The following PEAK1 variants were observed in gnomAD, a reference collection of about 807,000 sequenced individuals.
PEAK1 encodes the protein inactive tyrosine-protein kinase PEAK1.
Under a neutral mutation model 124.7 loss-of-function variants are expected in PEAK1, and 54 were observed. The observed-to-expected ratio is 0.43, with a 90% CI of 0.35 to 0.54. PEAK1 has a LOEUF of 0.54. Ranked by LOEUF, PEAK1 falls within the 20% of genes least tolerant of loss-of-function variation. PEAK1 has a pLI of 0.01. For synonymous variants in PEAK1, 719 were observed against 760.0 expected (o/e 0.95, Z 0.89); for missense variants, 2,046 against 2,134.5 (o/e 0.96, Z 0.82).
intron 6 of PEAK1, among the ~76,000 whole-genome samples, chr15:77,238,344 G>A (rs1437507985): frequency 1.3e-5 from 2 of 151,786 alleles, no homozygotes; most frequent in Non-Finnish European, 2.9e-5. Flanking sequence ...CTCTCAACTC[G>A]CCTTTTTTTT....
intron 8 of PEAK1, chr15:77,156,635 T>C (rs11854182): frequency 0.22 from 33,973 of 152,170 alleles, 4,230 homozygotes; most frequent in Middle Eastern, 0.31. Flanking sequence ...TATTCGGCCA[T>C]CTTGGCTCCC....
intron 2 of PEAK1, among the ~76,000 whole-genome samples, chr15:77,288,261 C>G (rs1016616615): frequency 6.6e-6 from 1 of 152,150 alleles, no homozygotes; most frequent in African/African-American, 2.4e-5. Flanking sequence ...TCCTATCTCC[C>G]ACTTTATTGC....
At chr15:77,176,765 AAAGGAGAGAGTCTCTTTCCACAG>A (rs1300422601) in intron 7 of PEAK1, among the ~76,000 whole-genome samples, 1 of 152,200 alleles carries the variant, frequency 6.6e-6, no homozygotes, top group African/African-American at 2.4e-5. Flanking sequence ...GCATGCAGCC[AAAGGAGAGAGTCTCTTTCCACAG>A]AAAGAAGCCG....
chr15:77,323,946 A>G (rs2065405667), intron 2 of PEAK1, among the ~76,000 whole-genome samples: 1 of 152,204 alleles, frequency 6.6e-6, no homozygotes, highest in African/African-American at 2.4e-5. Context: ...ATACAGACCA[A>G]TGGAACAGAA....
At chr15:77,379,718 T>A (rs541577859) in intron 1 of PEAK1, among the ~76,000 whole-genome samples, 2 of 151,994 alleles carry the variant, frequency 1.3e-5, no homozygotes, top group African/African-American at 2.4e-5. Flanking sequence ...TCATAAGAGA[T>A]CTAATTAGCT....
intron 9 of PEAK1, among the ~76,000 whole-genome samples, chr15:77,120,592 T>C (rs1266630817): frequency 1.3e-5 from 2 of 152,240 alleles, no homozygotes; most frequent in Non-Finnish European, 2.9e-5. Flanking sequence ...TCTCTATTGC[T>C]ACCTTCATCA....
At chr15:77,267,318 A>G (rs2061788962) in intron 5 of PEAK1, among the ~76,000 whole-genome samples, 1 of 152,134 alleles carries the variant, frequency 6.6e-6, no homozygotes, top group Admixed American at 6.6e-5. Flanking sequence ...TGAGAGGTCT[A>G]TGGTCCCAAC....
intron 1 of PEAK1, among the ~76,000 whole-genome samples, chr15:77,411,344 G>A (rs948777365): frequency 3.3e-5 from 5 of 152,184 alleles, no homozygotes; most frequent in Non-Finnish European, 7.3e-5. Context: ...AGTTCACTGA[G>A]TGGCTTAATT....
intron 6 of PEAK1, among the ~76,000 whole-genome samples, chr15:77,225,097 A>G (rs2059570987): frequency 6.6e-6 from 1 of 152,082 alleles, no homozygotes; most frequent in Non-Finnish European, 1.5e-5. Flanking sequence ...CTTAGGTTTC[A>G]AAATCCTCCA....
intron 5 of PEAK1, among the ~76,000 whole-genome samples, chr15:77,272,228 C>G (rs2062074821): frequency 6.6e-6 from 1 of 152,140 alleles, no homozygotes; most frequent in East Asian, 1.9e-4. Context: ...AAACCAAACC[C>G]AAGCCCAACA....
At chr15:77,212,172 G>A (rs1479132094) in intron 6 of PEAK1, among the ~76,000 whole-genome samples, 4 of 152,144 alleles carry the variant, frequency 2.6e-5, no homozygotes, top group Admixed American at 6.5e-5. Context: ...TGAAGAAACA[G>A]ACTCAGGGAA....
In PEAK1 at chr15:77,114,379, T is replaced by A. The variant is rs777448102; in HGVS notation, c.5018A>T (p.Asp1673Val). The A allele has an allele frequency of 1.1e-5, 17 of 1,614,168 alleles. No individual in the cohort carries two copies. Among genetic ancestry groups the A allele is most frequent in the Non-Finnish European group, 1.4e-5 (17 of 1,180,024 alleles). ...LQCLLWGPREDLFQTFTACPS... is the reference protein window; with the variant it reads ...LQCLLWGPREVLFQTFTACPS... ...GCAGGCGGTGAAAGTCTGGAAGAGATCTTCGCGGGGGCCCCAGAGCAGACA... is the reference window on the plus strand; with the variant it reads ...GCAGGCGGTGAAAGTCTGGAAGAGAACTTCGCGGGGGCCCCAGAGCAGACA... Residue 1673 changes from aspartate to valine, a missense_variant, in exon 10 of 10, where the codon GAT becomes GTT. Coordinates refer to ENST00000682557, the MANE Select transcript of PEAK1 (RefSeq NM_001385026.1).
chr15:77,249,841 A>G (rs993297843), intron 6 of PEAK1, among the ~76,000 whole-genome samples: 1 of 152,102 alleles, frequency 6.6e-6, no homozygotes, highest in Non-Finnish European at 1.5e-5. Flanking sequence ...AGATATAATT[A>G]AATAGGTACA....
At chr15:77,280,654 G>A (rs1050655235) in intron 5 of PEAK1, among the ~76,000 whole-genome samples, 1 of 151,282 alleles carries the variant, frequency 6.6e-6, no homozygotes, top group South Asian at 2.1e-4. Context: ...AATTAACAAG[G>A]AACACAAAAT....
At chr15:77,403,015 C>T in intron 1 of PEAK1, 1 of 985,284 alleles carries the variant, frequency 1.0e-6, no homozygotes, top group Non-Finnish European at 1.2e-6. Context: ...GTTATACTTC[C>T]ACTCTAAGCA....
chr15:77,244,327 A>G (rs867863989), intron 6 of PEAK1, among the ~76,000 whole-genome samples: 4 of 152,348 alleles, frequency 2.6e-5, no homozygotes, highest in Middle Eastern at 6.8e-3. Context: ...AAGAGATCCC[A>G]TATTGGAGTT....
intron 5 of PEAK1, among the ~76,000 whole-genome samples, chr15:77,255,984 T>C (rs1049994995): frequency 2.6e-5 from 4 of 152,220 alleles, no homozygotes; most frequent in South Asian, 4.1e-4. Context: ...AAAGAAGCTA[T>C]TGTCTCAAGA....
intron 1 of PEAK1, among the ~76,000 whole-genome samples, chr15:77,390,530 C>T (rs1445569411): frequency 6.6e-6 from 1 of 152,208 alleles, no homozygotes; most frequent in Non-Finnish European, 1.5e-5. Context: ...ACTCCCAGAA[C>T]ATCAGCTGCA....
At position 77,179,663 on chromosome 15, in the gene PEAK1, C is replaced by T. The variant is rs2057119680; in HGVS notation, c.2264G>A (p.Gly755Asp). Reference sequence around the variant, plus strand: ...TGCTTTCTCTCTGGTGCTGCTGCTGCCCACCATCTGAGACTCCTGAGTGCC... The same window carrying T: ...TGCTTTCTCTCTGGTGCTGCTGCTGTCCACCATCTGAGACTCCTGAGTGCC... ...IEGTQESQMV[G>D]SSSTREKAST... is the part of the protein sequence containing the mutation. Residue 755 changes from glycine to aspartate, a missense_variant, in exon 7 of 10, where the codon GGC becomes GAC. Physicochemically the swap from Gly to Asp is moderately conservative, Grantham distance 94. Coordinates refer to ENST00000682557, the MANE Select transcript of PEAK1 (RefSeq NM_001385026.1). 6.2e-7 allele frequency: 1 copy of T among 1,613,978 alleles called. No homozygotes were observed. The highest frequency in any genetic ancestry group is 1.3e-5 in the African/African-American group (1 of 74,892).
Sources: gnomAD v4.1 joint callset for allele counts (sites outside exome capture counted in the v4.1 genomes callset) on GRCh38, gnomAD v4.1.1 for gene constraint, MANE v1.5 for transcripts, NCBI Gene and HGNC (gene_info 2026-07-23, HGNC 2026-07-21) for gene names.